Variants in TRAPPC11 observed in about 807,000 individuals in gnomAD.
The protein encoded by TRAPPC11 is trafficking protein particle complex subunit 11, also known as foie gras homolog.
A neutral mutation model predicts 151.2 loss-of-function variants in TRAPPC11; 104 were observed. That is an observed-to-expected ratio of 0.69 (90% CI 0.59 to 0.81). The LOEUF (loss-of-function observed/expected upper bound fraction) is 0.81. TRAPPC11 is among the 30% of genes least tolerant of loss of function. TRAPPC11 has a pLI of 0.00. For synonymous variants in TRAPPC11, 456 were observed against 472.3 expected (o/e 0.97, Z 0.45); for missense variants, 1,230 against 1,349.6 (o/e 0.91, Z 1.39).
chr4:183,693,413 C>T (rs1736359364), intron 20 of TRAPPC11, among the ~76,000 whole-genome samples, 176 bp from the exon 21 acceptor site: 1 of 152,138 alleles, frequency 6.6e-6, no homozygotes, highest in Non-Finnish European at 1.5e-5. Context: ...ACTATGCTGC[C>T]CAGCCTTGTT....
chr4:183,671,109 G>A (rs1170050614), intron 5 of TRAPPC11, among the ~76,000 whole-genome samples: 3 of 152,048 alleles, frequency 2.0e-5, no homozygotes, highest in Admixed American at 6.5e-5. Flanking sequence ...TAGGTGATCC[G>A]CCCACCTCGG....
chr4:183,709,327 C>T (rs574573080), intron 29 of TRAPPC11, among the ~76,000 whole-genome samples: 4 of 152,204 alleles, frequency 2.6e-5, no homozygotes, highest in African/African-American at 9.6e-5. Context: ...GGGAACAGTT[C>T]CTTGTTTATA....
Position 183,680,264 on chromosome 4 carries a change from CG to C in TRAPPC11, c.1111del (p.Glu371LysfsTer4). The C allele has an allele frequency of 3.1e-6, 5 of 1,613,700 alleles. No individual in the cohort carries two copies. Among genetic ancestry groups the C allele is most frequent in the Non-Finnish European group, 4.2e-6 (5 of 1,179,890 alleles). ...KQLAKTLCNHEASVMYPNPDP... is the reference protein window; with the variant it reads ...KQLAKTLCNHXASVMYPNPDP... ...AGCTTGCAAAAACCCTCTGTAACCA[CG>C]AAGTAAGTTACTCACTCCGTATTAT... On this transcript the variant is annotated frameshift_variant and splice_region_variant, in exon 10 of 30. Transcript: ENST00000334690. LOFTEE classifies it high-confidence loss of function.
rs549665378 is a variant in TRAPPC11, at chr4:183,665,701, C to G, written c.205-556C>G. ...AAATCTACAGCATCCTCTTCCCACT[C>G]TGTGGCACTCAGTGCCCAGACTCAA... On this transcript the variant is annotated intron_variant, in intron 2 of 29. Coordinates refer to ENST00000334690, the MANE Select transcript of TRAPPC11 (RefSeq NM_021942.6). Among the ~76,000 whole-genome samples, 11 of 152,376 alleles carry G rather than the reference C, an allele frequency of 7.2e-5. 1 individual carries two copies. The East Asian group carries it at 2.1e-3, about 29-fold the overall frequency.
chr4:183,693,202 A>AT (rs571250734), intron 20 of TRAPPC11, 55 bp downstream of exon 20: 211 of 1,476,754 alleles, frequency 1.4e-4, no homozygotes, highest in Middle Eastern at 1.9e-4. Context: ...TTCTTTTGCT[A>AT]TTTTTTTTGG....
At chr4:183,702,248 G>T (rs531027763) in intron 26 of TRAPPC11, among the ~76,000 whole-genome samples, 2 of 152,198 alleles carry the variant, frequency 1.3e-5, no homozygotes, top group East Asian at 1.9e-4. Context: ...GGAGGCTGAG[G>T]GGGGAGGATG....
rs1425007389 is a variant in TRAPPC11, at chr4:183,684,753, T to C, written c.1479T>C (p.Thr493=). 1.2e-6 allele frequency: 2 copies of C among 1,614,064 alleles called. No individual in the cohort carries two copies. Among genetic ancestry groups the C allele is most frequent in the Non-Finnish European group, 1.7e-6 (2 of 1,179,932 alleles). Residue 493 remains threonine (T), a synonymous_variant, in exon 15 of 30, where the codon ACT becomes ACC. Coordinates refer to ENST00000334690, the MANE Select transcript of TRAPPC11 (RefSeq NM_021942.6). The part of the protein sequence containing the change: ...YRSEGWWTLL[T]SVLTTALKCS... ...GTGAAGGATGGTGGACTCTGCTCAC[T>C]TCTGTATTAACTACAGCTCTGAAGT...
rs1028321684 is a variant in TRAPPC11, at chr4:183,708,471, C to T, written c.3254C>T (p.Ala1085Val). The change falls in exon 29 of 30, where the codon GCT (alanine) becomes GTT (valine). Residue 1085 changes from alanine to valine, a missense_variant. Transcript: ENST00000334690. ...CTATATAATTTCTATCCTCTGATGGCTGGATACCAGCAGCTGCCATCTCTC... is the reference window on the plus strand; with the variant it reads ...CTATATAATTTCTATCCTCTGATGGTTGGATACCAGCAGCTGCCATCTCTC... ...EMLYNFYPLM[A>V]GYQQLPSLNI... is the part of the protein sequence containing the mutation. 8.7e-6 allele frequency: 14 copies of T among 1,614,096 alleles called. No homozygotes were observed. In the Admixed American group the frequency reaches 1.7e-4, roughly 19 times the overall value.
Position 183,680,286 on chromosome 4 carries a change from A to G in TRAPPC11, c.1113+19A>G, listed in dbSNP as rs774870081. ...CCACGAAGTAAGTTACTCACTCCGT[A>G]TTATCTAGCACATAGAAAAGTTATT... On this transcript the variant is annotated intron_variant, in intron 10 of 29. Coordinates refer to ENST00000334690, the MANE Select transcript of TRAPPC11 (RefSeq NM_021942.6). The G allele has an allele frequency of 2.9e-5, 46 of 1,612,800 alleles. No individual in the cohort carries two copies. Among genetic ancestry groups the G allele is most frequent in the Admixed American group, 6.7e-5 (4 of 59,658 alleles).
At chr4:183,684,567 T>C (rs1735866737) in intron 14 of TRAPPC11, 129 bp from the exon 15 acceptor site, 1 of 1,097,096 alleles carries the variant, frequency 9.1e-7, no homozygotes, top group South Asian at 1.6e-5. Flanking sequence ...AATATGAGAA[T>C]ACCTGTTCAA....
chr4:183,679,112 A>G lies in TRAPPC11; in HGVS notation c.832-241A>G, dbSNP rs187249092. ...TTCCATATTTTTTAAAAGCTTTTCTAAAGTGTAGAATAAATTATGTACAAA... is the reference window on the plus strand; with the variant it reads ...TTCCATATTTTTTAAAAGCTTTTCTGAAGTGTAGAATAAATTATGTACAAA... On this transcript the variant is annotated intron_variant, in intron 8 of 29. Transcript: ENST00000334690. Among the ~76,000 whole-genome samples, 1,413 of 152,306 alleles carry G rather than the reference A, an allele frequency of 9.3e-3. 9 individuals are homozygous for G. Among genetic ancestry groups the G allele is most frequent in the Middle Eastern group, 0.024 (7 of 294 alleles).
intron 19 of TRAPPC11, among the ~76,000 whole-genome samples, chr4:183,691,847 T>C: frequency 6.6e-6 from 1 of 152,330 alleles, no homozygotes; most frequent in African/African-American, 2.4e-5. Context: ...CAAATATATT[T>C]TTTATGTTAT....
At chr4:183,692,584 G>T (rs1423274178) in intron 19 of TRAPPC11, among the ~76,000 whole-genome samples, 1 of 152,042 alleles carries the variant, frequency 6.6e-6, no homozygotes, top group African/African-American at 2.4e-5. Context: ...AATATTTGTG[G>T]AGTCGGAAAT....
chr4:183,706,100 C>CACACACA (rs1161888168), intron 27 of TRAPPC11: 2 of 135,078 alleles, frequency 1.5e-5, no homozygotes, highest in African/African-American at 5.4e-5. Flanking sequence ...ACACACACAC[C>CACACACA]CACCAAACAA....
At chr4:183,659,896 GAAA>G (rs914601905) in intron 1 of TRAPPC11, among the ~76,000 whole-genome samples, 1 of 149,942 alleles carries the variant, frequency 6.7e-6, no homozygotes, top group Non-Finnish European at 1.5e-5. Context: ...TTAGTTAAAA[GAAA>G]AAAAAAGTAA....
intron 26 of TRAPPC11, among the ~76,000 whole-genome samples, chr4:183,703,927 C>T (rs1015473583): frequency 6.6e-6 from 1 of 152,154 alleles, no homozygotes; most frequent in African/African-American, 2.4e-5. Flanking sequence ...CTACTGTATA[C>T]GTGTAGTGAG....
chr4:183,686,022 G>A, intron 17 of TRAPPC11, among the ~76,000 whole-genome samples: 1 of 152,164 alleles, frequency 6.6e-6, no homozygotes, highest in East Asian at 1.9e-4. Flanking sequence ...ATTTTTAGCA[G>A]AGATGGGGTG....
At chr4:183,660,204 G>A (rs1734401881) in intron 1 of TRAPPC11, among the ~76,000 whole-genome samples, 1 of 152,174 alleles carries the variant, frequency 6.6e-6, no homozygotes, top group Non-Finnish European at 1.5e-5. Flanking sequence ...GGTGACATAG[G>A]AGAATGTGGC....
chr4:183,710,179 G>T (rs1446858012), intron 29 of TRAPPC11, among the ~76,000 whole-genome samples: 1 of 152,124 alleles, frequency 6.6e-6, no homozygotes, highest in Non-Finnish European at 1.5e-5. Context: ...TGGTGCTCAG[G>T]AGACCCAAAC....
Sources: allele counts gnomAD v4.1 joint callset (sites outside exome capture counted in the v4.1 genomes callset), GRCh38; gene constraint gnomAD v4.1.1; transcripts MANE v1.5; gene names NCBI Gene and HGNC (gene_info 2026-07-23, HGNC 2026-07-21).